ZNF875: variants seen among roughly 807,000 people sequenced by gnomAD.
ZNF875 encodes zinc finger protein 875, also known as HKR1, GLI-Kruppel zinc finger family member.
A neutral mutation model predicts 11.2 loss-of-function variants in ZNF875; 14 were observed. That is an observed-to-expected ratio of 1.26 (90% CI 0.83 to 1.96). ZNF875 has a LOEUF of 1.96. Ranked by LOEUF, ZNF875 falls within the 30% of genes most tolerant of loss-of-function variation. ZNF875 has a pLI of 0.00. For missense variants in ZNF875, 752 were observed against 760.4 expected (o/e 0.99, Z 0.13); for synonymous variants, 301 against 281.1 (o/e 1.07, Z -0.71).
chr19:37,314,712 C>T (rs960014830), upstream of ZNF875, among the ~76,000 whole-genome samples: 2 of 146,584 alleles, frequency 1.4e-5, no homozygotes, highest in Non-Finnish European at 3.0e-5. Flanking sequence ...GATCGTGCCA[C>T]TGCACTCCAG....
chr19:37,340,986 A>C (rs2035605982), intron 2 of ZNF875, among the ~76,000 whole-genome samples: 1 of 151,864 alleles, frequency 6.6e-6, no homozygotes, highest in African/African-American at 2.4e-5. Flanking sequence ...CTTTTTATCC[A>C]CTCAGCTGAA....
upstream of ZNF875, among the ~76,000 whole-genome samples, chr19:37,332,333 A>G (rs534434647): frequency 6.6e-6 from 1 of 151,742 alleles, no homozygotes; most frequent in South Asian, 2.1e-4. Context: ...CCACCTTACG[A>G]GAAACACCCA....
At chr19:37,355,877 C>T (rs578237438) in intron 4 of ZNF875, among the ~76,000 whole-genome samples, 10 of 152,238 alleles carry the variant, frequency 6.6e-5, no homozygotes, top group African/African-American at 1.9e-4. Context: ...TTGAACCTAT[C>T]ACCCAAATAG....
chr19:37,352,961 C>T (rs2038196782), intron 4 of ZNF875, among the ~76,000 whole-genome samples: 1 of 147,172 alleles, frequency 6.8e-6, no homozygotes, highest in African/African-American at 2.5e-5. Flanking sequence ...TCATCCTCTG[C>T]CTCCTGGGTT....
intron 3 of ZNF875, 135 bp downstream of exon 3, chr19:37,347,451 A>C (rs897744372): frequency 7.5e-6 from 6 of 802,916 alleles, no homozygotes; most frequent in African/African-American, 3.5e-5. Flanking sequence ...CCTCTGGGTA[A>C]ATCTGGATTT....
chr19:37,344,935 G>A, intron 2 of ZNF875: 1 of 622,972 alleles, frequency 1.6e-6, no homozygotes, highest in Non-Finnish European at 3.0e-6. Context: ...TCTCTCCAGT[G>A]TTTAATGATG....
rs915971067 is a variant in ZNF875, at chr19:37,337,035, T to C, written c.33+1778T>C. ...TGAGAGCACTTTCAGCTTCTGGCAA[T>C]TGGGACATTTCCAAAATTCCAGATT... On this transcript the variant is annotated intron_variant, in intron 2 of 4. Coordinates refer to ENST00000392153, the MANE Select transcript of ZNF875 (RefSeq NM_001353803.2). Among the ~76,000 whole-genome samples the C allele has an allele frequency of 4.6e-5, 7 of 152,320 alleles. No homozygotes were observed. The South Asian group carries it at 6.2e-4, about 14-fold the overall frequency.
intron 1 of ZNF875, among the ~76,000 whole-genome samples, chr19:37,320,074 A>C (rs1369538459): frequency 6.6e-6 from 1 of 151,970 alleles, no homozygotes; most frequent in Non-Finnish European, 1.5e-5. Flanking sequence ...TTTTCAGTAG[A>C]GATGGGGTTT....
Position 37,363,051 on chromosome 19 carries a change from A to C in ZNF875, c.1199A>C (p.Glu400Ala). ...AAGCCTTACATTTGCAGGGAGTGTG[A>C]GCAAGGCTTTAGCCAGAAGTCACAC... is the stretch of plus-strand genomic sequence containing the variant. Reference protein sequence around the residue: ...GEKPYICRECEQGFSQKSHLI... With the variant: ...GEKPYICRECAQGFSQKSHLI... Residue 400 changes from glutamate (E) to alanine (A), a missense_variant, in exon 5 of 5, where the codon GAG (glutamate) becomes GCG (alanine). Coordinates refer to ENST00000392153, the MANE Select transcript of ZNF875 (RefSeq NM_001353803.2). The C allele has an allele frequency of 6.8e-6, 11 of 1,612,972 alleles. No homozygotes were observed. Among genetic ancestry groups the C allele is most frequent in the Non-Finnish European group, 8.5e-6 (10 of 1,179,688 alleles).
At chr19:37,316,031 TCAA>T (rs1263685181), upstream of ZNF875, among the ~76,000 whole-genome samples, 1 of 152,180 alleles carries the variant, frequency 6.6e-6, no homozygotes, top group Non-Finnish European at 1.5e-5. Context: ...CTCCATTTCT[TCAA>T]CGTTTAACTT....
intron 4 of ZNF875, among the ~76,000 whole-genome samples, chr19:37,327,094 CA>C (rs1200791463): frequency 6.6e-6 from 1 of 151,474 alleles, no homozygotes; most frequent in Non-Finnish European, 1.5e-5. Context: ...TGGGTCCAAG[CA>C]GTTCTCCCTG....
At chr19:37,314,274 C>A (rs926540872), upstream of ZNF875, among the ~76,000 whole-genome samples, 2 of 152,030 alleles carry the variant, frequency 1.3e-5, no homozygotes, top group African/African-American at 4.8e-5. Context: ...AATACGCCCA[C>A]CTAATTATTA....
chr19:37,339,358 T>C (rs769178678), intron 2 of ZNF875, among the ~76,000 whole-genome samples: 8 of 152,134 alleles, frequency 5.3e-5, no homozygotes, highest in Non-Finnish European at 8.8e-5. Context: ...AACTCATCCA[T>C]TGTTTCCCAA....
chr19:37,339,908 T>C (rs2035333283), intron 2 of ZNF875, among the ~76,000 whole-genome samples: 1 of 152,074 alleles, frequency 6.6e-6, no homozygotes, highest in South Asian at 2.1e-4. Flanking sequence ...CAATTACTTC[T>C]TTCTTTTCTG....
chr19:37,322,631 C>G (rs190700131), intron 2 of ZNF875, among the ~76,000 whole-genome samples: 261 of 152,294 alleles, frequency 1.7e-3, no homozygotes, highest in Non-Finnish European at 2.9e-3. Flanking sequence ...TGGTGACACC[C>G]AGGGTGGCTG....
chr19:37,320,352 T>G (rs1189282883), intron 1 of ZNF875, among the ~76,000 whole-genome samples: 1 of 152,348 alleles, frequency 6.6e-6, no homozygotes, highest in African/African-American at 2.4e-5. Flanking sequence ...ACAGCAGTTT[T>G]TATGTCATCT....
chr19:37,361,952 T>G, intron 4 of ZNF875, 157 bp from the exon 5 acceptor site: 1 of 604,434 alleles, frequency 1.7e-6, no homozygotes, highest in Non-Finnish European at 2.9e-6. Context: ...GTGTAATGCA[T>G]GAAGTGAAAT....
Position 37,363,112 on chromosome 19 carries a change from G to T in ZNF875, c.1260G>T (p.Lys420Asn). The T allele has an allele frequency of 6.2e-7, 1 of 1,613,818 alleles. No homozygotes were observed. The highest frequency in any genetic ancestry group is 8.5e-7 in the Non-Finnish European group (1 of 1,179,966). Residue 420 changes from lysine to asparagine, a missense_variant, in exon 5 of 5, where the codon AAG becomes AAT. Physicochemically the swap from Lys to Asn is moderately conservative, Grantham distance 94. Transcript: ENST00000392153. The part of the protein sequence containing the change: ...IRHLRTHTGE[K>N]PYVCTECGRH... ...ACTTAAGGACACACACAGGAGAGAA[G>T]CCTTATGTATGCACAGAATGTGGGC...
intron 2 of ZNF875, among the ~76,000 whole-genome samples, chr19:37,340,212 C>G (rs1020430789): frequency 1.3e-5 from 2 of 152,046 alleles, no homozygotes; most frequent in Non-Finnish European, 2.9e-5. Context: ...GAACTCCTGA[C>G]CTCTGGTGAA....
Sources: allele counts gnomAD v4.1 joint callset (sites outside exome capture counted in the v4.1 genomes callset), GRCh38; gene constraint gnomAD v4.1.1; transcripts MANE v1.5; gene names NCBI Gene and HGNC (gene_info 2026-07-23, HGNC 2026-07-21).